Variants in PAX3 observed in about 807,000 individuals in gnomAD.
The protein encoded by PAX3 is paired box 3.
A neutral mutation model predicts 51.6 loss-of-function variants in PAX3; 14 were observed. The observed-to-expected ratio is 0.27, with a 90% CI of 0.18 to 0.42. The LOEUF is 0.42. Ranked by LOEUF, PAX3 falls within the 10% of genes least tolerant of loss-of-function variation. The pLI, the probability that PAX3 is intolerant of heterozygous loss-of-function variation, is 1.00. For missense variants in PAX3, 540 were observed against 642.8 expected (o/e 0.84, Z 1.73); for synonymous variants, 280 against 253.4 (o/e 1.11, Z -1.00).
intron 4 of PAX3, among the ~76,000 whole-genome samples, chr2:222,249,594 C>T (rs1403035073): frequency 6.6e-6 from 1 of 151,940 alleles, no homozygotes; most frequent in South Asian, 2.2e-4. Context: ...TGGGAAGATC[C>T]ACTTTAAGAA....
chr2:222,277,422 AC>A (rs1298250884), intron 4 of PAX3, among the ~76,000 whole-genome samples: 1 of 152,134 alleles, frequency 6.6e-6, no homozygotes. Context: ...TTTTACAGGA[AC>A]CCCTCCTGGG....
intron 4 of PAX3, among the ~76,000 whole-genome samples, chr2:222,270,401 G>A (rs1694208251): frequency 6.6e-6 from 1 of 152,154 alleles, no homozygotes; most frequent in Admixed American, 6.5e-5. Flanking sequence ...TACAAGGGAG[G>A]TCCTTGTTCA....
At chr2:222,232,317 G>A (rs1692627943) in intron 4 of PAX3, 34 bp from the exon 5 acceptor site, 1 of 1,583,950 alleles carries the variant, frequency 6.3e-7, no homozygotes, top group Non-Finnish European at 8.7e-7. Context: ...ATCATAAAAT[G>A]TGAATCAAAA....
intron 7 of PAX3, among the ~76,000 whole-genome samples, chr2:222,217,284 A>G (rs1045369731): frequency 3.9e-5 from 6 of 152,218 alleles, no homozygotes; most frequent in Non-Finnish European, 7.3e-5. Context: ...AACTTAGCAA[A>G]AAGAGCATAA....
In PAX3 at chr2:222,294,213, G is replaced by T; in HGVS notation, c.540C>A (p.Ser180Arg). The change falls in exon 4 of 9, where the codon AGC (serine) becomes AGA (arginine). Residue 180 changes from serine to arginine, a missense_variant. Physicochemically the swap from Ser to Arg is moderately radical, Grantham distance 110. This residue lies in a region of PAX3 where 427 missense variants were observed against 483.6 expected (regional missense o/e 0.88). Transcript: ENST00000392070. ...CGATGCTGTGTTTGGCCTTCTTCTC[G>T]CTTTCCTCTGCCTCCTTCCTCTCCA... is the stretch of plus-strand genomic sequence containing the variant. ...ADLERKEAEESEKKAKHSIDG... is the reference protein window; with the variant it reads ...ADLERKEAEEREKKAKHSIDG... 3 of 1,614,226 alleles carry T rather than the reference G, an allele frequency of 1.9e-6. No homozygotes were observed. The highest frequency in any genetic ancestry group is 2.2e-5 in the East Asian group (1 of 44,880).
At chr2:222,297,283 C>A in intron 1 of PAX3, 70 bp from the exon 2 acceptor site, 1 of 1,220,358 alleles carries the variant, frequency 8.2e-7, no homozygotes, top group Non-Finnish European at 1.2e-6. Flanking sequence ...AGAACAGCAG[C>A]ACGTAATTTC....
chr2:222,293,689 C>T (rs375442849), intron 4 of PAX3: 39 of 1,613,994 alleles, frequency 2.4e-5, no homozygotes, highest in Middle Eastern at 1.6e-4. Context: ...TTTGGAGGGC[C>T]GTTGCCCAAA....
At chr2:222,263,057 T>C (rs1423616404) in intron 4 of PAX3, 3 of 152,208 alleles carry the variant, frequency 2.0e-5, no homozygotes, top group South Asian at 2.1e-4. Context: ...GCTAGTCAAA[T>C]AGTTTTTAGA....
At chr2:222,291,458 G>A (rs544136407) in intron 4 of PAX3, among the ~76,000 whole-genome samples, 4 of 152,348 alleles carry the variant, frequency 2.6e-5, no homozygotes, top group Admixed American at 2.0e-4. Flanking sequence ...AATTGAGCGA[G>A]GGAAAAGGGA....
intron 4 of PAX3, among the ~76,000 whole-genome samples, chr2:222,290,591 G>A (rs530695310): frequency 6.6e-6 from 1 of 152,332 alleles, no homozygotes; most frequent in South Asian, 2.1e-4. Flanking sequence ...GCGCTCCGGA[G>A]CTGCCACTTC....
In PAX3 at chr2:222,232,164, G is replaced by A. The variant is rs769650688; in HGVS notation, c.706C>T (p.Arg236Cys). 5.0e-6 allele frequency: 8 copies of A among 1,613,880 alleles called. No individual in the cohort carries two copies. The highest frequency in any genetic ancestry group is 4.0e-5 in the African/African-American group (3 of 74,898). ...GGGTAATGAGTTCTCTCAAAAGCAC[G>A]CTCCAGTTCCTCCAGCTGTTCTGCT... Reference protein sequence around the residue: ...FTAEQLEELERAFERTHYPDI... With the variant: ...FTAEQLEELECAFERTHYPDI... The change falls in exon 5 of 9, where the codon CGT becomes TGT. Residue 236 changes from arginine to cysteine, a missense_variant. By Grantham distance (180) the Arg-to-Cys change is radical (BLOSUM62 -3). This residue lies in a region of PAX3 where 427 missense variants were observed against 483.6 expected (regional missense o/e 0.88). Transcript: ENST00000392070.
intron 7 of PAX3, 42 bp from the exon 8 acceptor site, chr2:222,202,232 A>G (rs1379499966): frequency 1.5e-5 from 21 of 1,382,688 alleles, no homozygotes; most frequent in Non-Finnish European, 2.1e-5. Flanking sequence ...AAATGCAGAG[A>G]GATCCAGATT....
At chr2:222,286,562 T>G (rs1261300231) in intron 4 of PAX3, among the ~76,000 whole-genome samples, 1 of 152,258 alleles carries the variant, frequency 6.6e-6, no homozygotes, top group Non-Finnish European at 1.5e-5. Flanking sequence ...GTGTTTTGTT[T>G]TGTTTTGTTT....
At chr2:222,263,698 C>T (rs1189224606) in intron 4 of PAX3, 1 of 152,078 alleles carries the variant, frequency 6.6e-6, no homozygotes, top group Non-Finnish European at 1.5e-5. Context: ...TTCATAATGA[C>T]CAAAACAAGG....
intron 4 of PAX3, among the ~76,000 whole-genome samples, chr2:222,246,440 G>T (rs181016798): frequency 6.6e-6 from 1 of 152,116 alleles, no homozygotes; most frequent in South Asian, 2.1e-4. Context: ...TTCATTGTGC[G>T]TTTTTGTTTT....
At chr2:222,231,733 G>T (rs539243573) in intron 5 of PAX3, among the ~76,000 whole-genome samples, 2 of 152,214 alleles carry the variant, frequency 1.3e-5, no homozygotes, top group South Asian at 4.1e-4. Flanking sequence ...TGATTCAATG[G>T]GTTAATTCAT....
intron 4 of PAX3, among the ~76,000 whole-genome samples, chr2:222,287,149 T>C (rs1486045149): frequency 6.6e-6 from 1 of 152,148 alleles, no homozygotes; most frequent in African/African-American, 2.4e-5. Flanking sequence ...AAAAGCTGAG[T>C]TGTGTCTTGC....
At chr2:222,232,425 C>A in intron 4 of PAX3, 142 bp from the exon 5 acceptor site, 2 of 713,466 alleles carry the variant, frequency 2.8e-6, no homozygotes, top group East Asian at 2.7e-5. Context: ...GATCAAAAAA[C>A]AAGTCTAACC....
intron 7 of PAX3, among the ~76,000 whole-genome samples, chr2:222,209,696 C>CAAAAAAAAAAAAAAAAAAAAAAA (rs546468709): frequency 4.9e-5 from 3 of 61,348 alleles, no homozygotes; most frequent in African/African-American, 6.6e-5. Flanking sequence ...TCTGTCTCTA[C>CAAAAAAAAAAAAAAAAAAAAAAA]AAAAAAAAAA....
Sources: allele counts gnomAD v4.1 joint callset (sites outside exome capture counted in the v4.1 genomes callset), GRCh38; gene constraint gnomAD v4.1.1; regional missense constraint gnomAD v4.1.1; transcripts MANE v1.5; gene names NCBI Gene and HGNC (gene_info 2026-07-23, HGNC 2026-07-21).